TENM2: variants seen among roughly 807,000 people sequenced by gnomAD.
TENM2 encodes teneurin transmembrane protein 2, also known as teneurin-2.
A neutral mutation model predicts 245.2 loss-of-function variants in TENM2; 52 were observed. The ratio of observed to expected loss-of-function variants is 0.21; its 90% CI spans 0.17 to 0.27. TENM2 has a LOEUF of 0.27. TENM2 is among the 10% of genes least tolerant of loss of function. The pLI, the probability that TENM2 is intolerant of heterozygous loss-of-function variation, is 1.00. For missense variants in TENM2, 3,046 were observed against 3,666.8 expected, an observed-to-expected ratio of 0.83 and a Z score of 4.37; for synonymous variants, 1,363 against 1,438.9, an observed-to-expected ratio of 0.95 and a Z score of 1.19.
intron 2 of TENM2, among the ~76,000 whole-genome samples, chr5:167,549,947 G>A (rs1772821309): frequency 6.6e-6 from 1 of 152,164 alleles, no homozygotes; most frequent in Non-Finnish European, 1.5e-5. Context: ...CACTTGGAAG[G>A]TTGTGAAAGG....
chr5:167,752,702 C>T (rs1391247562), intron 2 of TENM2, among the ~76,000 whole-genome samples: 2 of 152,176 alleles, frequency 1.3e-5, no homozygotes, highest in Non-Finnish European at 2.9e-5. Context: ...CTCAGCTCCA[C>T]CTATACGTGA....
intron 5 of TENM2, among the ~76,000 whole-genome samples, chr5:168,035,717 G>C (rs78541475): frequency 6.6e-6 from 1 of 152,140 alleles, no homozygotes; most frequent in African/African-American, 2.4e-5. Flanking sequence ...TGTTTCTGGG[G>C]CTGCAGGAGA....
the TENM2 span, among the ~76,000 whole-genome samples, chr5:167,182,075 C>T: frequency 6.6e-6 from 1 of 152,132 alleles, no homozygotes; most frequent in Non-Finnish European, 1.5e-5. Flanking sequence ...ATTCAGTATA[C>T]AGTTGTCATT....
chr5:167,655,833 A>G (rs2150305892), intron 2 of TENM2, among the ~76,000 whole-genome samples: 1 of 152,282 alleles, frequency 6.6e-6, no homozygotes, highest in Non-Finnish European at 1.5e-5. Flanking sequence ...CTAAGACACA[A>G]GTTTTAAACA....
chr5:167,795,267 G>A (rs927471494), intron 2 of TENM2, among the ~76,000 whole-genome samples: 2 of 152,178 alleles, frequency 1.3e-5, no homozygotes, highest in African/African-American at 2.4e-5. Flanking sequence ...TGGTCAAAAT[G>A]TGCAGGAAAC....
At chr5:167,873,515 T>C (rs906650260) in intron 2 of TENM2, among the ~76,000 whole-genome samples, 1 of 152,206 alleles carries the variant, frequency 6.6e-6, no homozygotes, top group Non-Finnish European at 1.5e-5. Context: ...TCCTCATGTA[T>C]GAAATGGGAA....
At chr5:167,584,084 A>G (rs1775305782) in intron 2 of TENM2, among the ~76,000 whole-genome samples, 1 of 152,242 alleles carries the variant, frequency 6.6e-6, no homozygotes, top group Non-Finnish European at 1.5e-5. Context: ...TTAATTGTTC[A>G]TAGTCCACCT....
rs532126333 is a variant in TENM2 at position 167,832,413 on chromosome 5, G to C, written c.503-43573G>C. Among the ~76,000 whole-genome samples, 8 of 152,370 alleles carry C rather than the reference G, an allele frequency of 5.3e-5. No homozygotes were observed. The South Asian group carries it at 1.0e-3, about 20-fold the overall frequency. On this transcript the variant is annotated intron_variant, in intron 2 of 28. Transcript: ENST00000518659. ...CATGTGAAAGACCCCCAGCTTTGCTGTTGAGCTACCACAAGGTGTTTCCAG... is the reference window on the plus strand; with the variant it reads ...CATGTGAAAGACCCCCAGCTTTGCTCTTGAGCTACCACAAGGTGTTTCCAG...
At chr5:167,326,074 G>A (rs1290709429) in intron 1 of TENM2, among the ~76,000 whole-genome samples, 6 of 152,094 alleles carry the variant, frequency 3.9e-5, no homozygotes, top group African/African-American at 1.4e-4. Flanking sequence ...CCAGGAGGGT[G>A]AGGGGCATTC....
chr5:168,158,880 TAC>T (rs1206950363), intron 12 of TENM2, among the ~76,000 whole-genome samples: 5 of 129,808 alleles, frequency 3.9e-5, no homozygotes, highest in Admixed American at 1.7e-4. Flanking sequence ...TATATATGTA[TAC>T]ACACACGTAT....
intron 2 of TENM2, among the ~76,000 whole-genome samples, chr5:167,740,225 A>T (rs1423753686): frequency 6.6e-6 from 1 of 152,174 alleles, no homozygotes; most frequent in African/African-American, 2.4e-5. Context: ...TTGCTTTTCC[A>T]GTTACTGCCT....
chr5:168,015,618 G>T (rs1401560912), intron 5 of TENM2, among the ~76,000 whole-genome samples: 1 of 152,198 alleles, frequency 6.6e-6, no homozygotes, highest in Non-Finnish European at 1.5e-5. Flanking sequence ...GCCTCAAATG[G>T]CGTCTCCCCA....
intron 2 of TENM2, among the ~76,000 whole-genome samples, chr5:167,763,661 C>T (rs1411705277): frequency 1.3e-5 from 2 of 152,178 alleles, no homozygotes; most frequent in Non-Finnish European, 2.9e-5. Flanking sequence ...TTCATTACCA[C>T]TTATGTCTTG....
chr5:167,426,122 C>T (rs1022864516), intron 2 of TENM2, among the ~76,000 whole-genome samples: 14 of 152,026 alleles, frequency 9.2e-5, no homozygotes, highest in South Asian at 4.1e-4. Context: ...TGACCCCAGA[C>T]GCCAAGCCAC....
intron 2 of TENM2, among the ~76,000 whole-genome samples, chr5:167,631,990 C>T (rs1282089170): frequency 1.3e-5 from 2 of 152,162 alleles, no homozygotes; most frequent in African/African-American, 2.4e-5. Context: ...TGATGCCTGG[C>T]ACCTAGAACC....
intron 5 of TENM2, among the ~76,000 whole-genome samples, chr5:168,041,821 G>A (rs1400856718): frequency 1.3e-5 from 2 of 152,186 alleles, no homozygotes; most frequent in African/African-American, 4.8e-5. Flanking sequence ...CAAATAATGA[G>A]CCCAATACCT....
chr5:167,284,928 G>A lies in TENM2; in HGVS notation c.91G>A (p.Asp31Asn), dbSNP rs1435354971. The A allele has an allele frequency of 9.0e-6, 14 of 1,551,642 alleles. No homozygotes were observed. In the East Asian group the frequency reaches 3.2e-4, roughly 35 times the overall value. ...CACAAGCTCCTCTCTGGACAGTGAG[G>A]ACTGCCGCGTGCCCACACAGAAATC... The change falls in exon 1 of 29, where the codon GAC becomes AAC. Residue 31 changes from aspartate (D) to asparagine (N), a missense_variant. This residue lies in a region of TENM2 where 342 missense variants were observed against 335.0 expected (regional missense o/e 1.02). Transcript: ENST00000518659.
chr5:167,514,948 T>A (rs947426073), intron 2 of TENM2, among the ~76,000 whole-genome samples: 17 of 151,302 alleles, frequency 1.1e-4, no homozygotes, highest in African/African-American at 4.1e-4. Flanking sequence ...GAGGCGGAGG[T>A]TGCGGTGAGC....
the TENM2 span, among the ~76,000 whole-genome samples, chr5:167,124,641 G>A: frequency 2.6e-5 from 4 of 151,988 alleles, no homozygotes; most frequent in Non-Finnish European, 4.4e-5. Flanking sequence ...AGAGAGCTCT[G>A]TGCTAGATGC....
Sources: gnomAD v4.1 joint callset for allele counts (sites outside exome capture counted in the v4.1 genomes callset) on GRCh38, gnomAD v4.1.1 for gene constraint, gnomAD v4.1.1 regional missense constraint, MANE v1.5 for transcripts, NCBI Gene and HGNC (gene_info 2026-07-23, HGNC 2026-07-21) for gene names.